Variants in SPAG16 observed in about 807,000 individuals in gnomAD.
SPAG16 encodes the protein sperm associated antigen 16.
Under a neutral mutation model 80.4 loss-of-function variants are expected in SPAG16, and 86 were observed. The observed-to-expected ratio is 1.07, with a 90% confidence interval of 0.90 to 1.28. The LOEUF (loss-of-function observed/expected upper bound fraction) is 1.28, where lower values mean the gene tolerates loss of function less well. Among genes scored for constraint, SPAG16 ranks in the 50% most tolerant of loss-of-function variants. SPAG16 has a pLI of 0.00. For missense variants in SPAG16, 870 were observed against 765.3 expected, an observed-to-expected ratio of 1.14 and a Z score of -1.61; for synonymous variants, 294 against 265.9, an observed-to-expected ratio of 1.11 and a Z score of -1.03.
intron 6 of SPAG16, among the ~76,000 whole-genome samples, chr2:213,347,500 C>T (rs971871368): frequency 6.6e-6 from 1 of 152,182 alleles, no homozygotes; most frequent in African/African-American, 2.4e-5. Context: ...TTAGATCTTT[C>T]CTGCTTTCTC....
At chr2:214,196,726 T>G (rs2057851316) in intron 15 of SPAG16, among the ~76,000 whole-genome samples, 1 of 152,048 alleles carries the variant, frequency 6.6e-6, no homozygotes. Context: ...GGAAAATTTC[T>G]TAATTTAATT....
chr2:214,145,406 A>G (rs2055590124), intron 14 of SPAG16, among the ~76,000 whole-genome samples: 1 of 152,034 alleles, frequency 6.6e-6, no homozygotes, highest in African/African-American at 2.4e-5. Context: ...TTCATAATAC[A>G]TTTTTCTTTA....
intron 10 of SPAG16, among the ~76,000 whole-genome samples, chr2:213,676,244 C>A (rs547651448): frequency 6.6e-6 from 1 of 152,214 alleles, no homozygotes; most frequent in Non-Finnish European, 1.5e-5. Context: ...TATCCTGAGA[C>A]TTTGCTAAAG....
chr2:213,966,850 T>C (rs772839474), intron 12 of SPAG16, among the ~76,000 whole-genome samples: 2 of 152,200 alleles, frequency 1.3e-5, no homozygotes, highest in Non-Finnish European at 2.9e-5. Context: ...CAGTATGTGA[T>C]CTACTCCAGT....
intron 10 of SPAG16, among the ~76,000 whole-genome samples, chr2:213,656,524 G>A (rs2063230383): frequency 4.6e-5 from 7 of 152,136 alleles, no homozygotes; most frequent in Admixed American, 4.6e-4. Flanking sequence ...TTTACCTCAG[G>A]GGTTGTTGAA....
At chr2:214,106,668 A>G (rs2125399170) in intron 13 of SPAG16, among the ~76,000 whole-genome samples, 1 of 139,570 alleles carries the variant, frequency 7.2e-6, no homozygotes, top group East Asian at 1.9e-4. Flanking sequence ...CATCATGATG[A>G]TCTACCTTTG....
intron 10 of SPAG16, among the ~76,000 whole-genome samples, chr2:213,640,416 A>G (rs1233506853): frequency 6.6e-6 from 1 of 152,054 alleles, no homozygotes; most frequent in Non-Finnish European, 1.5e-5. Context: ...TGCTGTTCAG[A>G]TTATTTTTTT....
At chr2:214,206,809 C>T (rs569251379) in intron 15 of SPAG16, among the ~76,000 whole-genome samples, 10 of 152,100 alleles carry the variant, frequency 6.6e-5, no homozygotes, top group South Asian at 2.1e-4. Flanking sequence ...TTATAATATC[C>T]ATCCTATTAT....
intron 13 of SPAG16, among the ~76,000 whole-genome samples, chr2:214,029,061 CAG>C (rs2048278836): frequency 6.6e-6 from 1 of 151,834 alleles, no homozygotes; most frequent in African/African-American, 2.4e-5. Flanking sequence ...AATCAGGAAT[CAG>C]GGAAATAATG....
rs188822664 is a variant in SPAG16, at chr2:213,304,497, G to A, written c.280-5562G>A. Among the ~76,000 whole-genome samples the A allele has an allele frequency of 1.1e-3, 170 of 152,046 alleles. 2 individuals are homozygous for A. The highest frequency in any genetic ancestry group is 3.7e-3 in the African/African-American group (152 of 41,514). ...TCTTTTGGGAGTTTTCTCTTAGAAG[G>A]TCCACGGTTTGAGGGTGTAAATTTA... On this transcript the variant is annotated intron_variant, in intron 3 of 15. Coordinates refer to ENST00000331683, the MANE Select transcript of SPAG16 (RefSeq NM_024532.5).
At chr2:213,296,666 C>G (rs115677452) in intron 2 of SPAG16, among the ~76,000 whole-genome samples, 2,169 of 152,182 alleles carry the variant, frequency 0.014, 25 homozygotes, top group South Asian at 0.038. Flanking sequence ...CCTGGGTGAG[C>G]AAGAGACAGG....
At chr2:214,117,188 C>A (rs775960169) in intron 14 of SPAG16, among the ~76,000 whole-genome samples, 2 of 151,914 alleles carry the variant, frequency 1.3e-5, no homozygotes, top group Non-Finnish European at 2.9e-5. Context: ...AAACAGAAAT[C>A]CTGGAGCTGA....
chr2:213,787,916 G>T (rs1179966538), intron 10 of SPAG16, among the ~76,000 whole-genome samples: 1 of 151,920 alleles, frequency 6.6e-6, no homozygotes, highest in African/African-American at 2.4e-5. Context: ...CTATATATTT[G>T]AAGATGTCCA....
chr2:214,233,344 A>G (rs4673813), intron 15 of SPAG16, among the ~76,000 whole-genome samples: 105,707 of 148,482 alleles, frequency 0.71, 37,646 homozygotes, highest in South Asian at 0.77. Flanking sequence ...AATAGATAAT[A>G]ATGATGATGA....
intron 10 of SPAG16, among the ~76,000 whole-genome samples, chr2:213,718,337 A>G (rs1305897932): frequency 1.3e-5 from 2 of 152,112 alleles, no homozygotes; most frequent in Non-Finnish European, 2.9e-5. Context: ...GGCAGTCCTC[A>G]GAGCCCTCGC....
intron 10 of SPAG16, among the ~76,000 whole-genome samples, chr2:213,706,983 T>C (rs943780063): frequency 3.3e-5 from 5 of 152,140 alleles, no homozygotes; most frequent in African/African-American, 1.2e-4. Context: ...CCAGAGTAAG[T>C]GATATTTAAA....
intron 15 of SPAG16, among the ~76,000 whole-genome samples, chr2:214,319,700 A>T (rs1695966800): frequency 6.6e-6 from 1 of 152,112 alleles, no homozygotes; most frequent in South Asian, 2.1e-4. Context: ...AAAAGATGGC[A>T]TTCTTCTCTT....
At chr2:213,290,251 T>C (rs1054866114) in intron 1 of SPAG16, among the ~76,000 whole-genome samples, 4 of 152,218 alleles carry the variant, frequency 2.6e-5, no homozygotes, top group African/African-American at 9.7e-5. Flanking sequence ...TCACGAGTGC[T>C]ACTAAATTCC....
At chr2:214,374,056 A>G (rs1304101325) in intron 15 of SPAG16, among the ~76,000 whole-genome samples, 1 of 152,232 alleles carries the variant, frequency 6.6e-6, no homozygotes, top group Non-Finnish European at 1.5e-5. Context: ...CAGAACGTAG[A>G]AAGTCAGTGA....
Sources: allele counts gnomAD v4.1 joint callset (sites outside exome capture counted in the v4.1 genomes callset), GRCh38; gene constraint gnomAD v4.1.1; transcripts MANE v1.5; gene names NCBI Gene and HGNC (gene_info 2026-07-23, HGNC 2026-07-21).